The following PRKD3 variants were observed in gnomAD, a reference collection of about 807,000 sequenced individuals.
PRKD3 encodes protein kinase D3.
A neutral mutation model predicts 99.2 loss-of-function variants in PRKD3; 47 were observed. The ratio of observed to expected loss-of-function variants is 0.47; its 90% CI spans 0.38 to 0.60. The LOEUF is 0.60. PRKD3 is among the 20% of genes least tolerant of loss of function. PRKD3 has a pLI of 0.00. For synonymous variants in PRKD3, 392 were observed against 355.4 expected (o/e 1.10, Z -1.16); for missense variants, 1,019 against 1,088.4 (o/e 0.94, Z 0.90).
At chr2:37,259,961 T>C (rs1360946312) in intron 15 of PRKD3, among the ~76,000 whole-genome samples, 1 of 152,104 alleles carries the variant, frequency 6.6e-6, no homozygotes, top group African/African-American at 2.4e-5. Flanking sequence ...GGCAAGGAGT[T>C]CGAGACCAGC....
intron 2 of PRKD3, among the ~76,000 whole-genome samples, chr2:37,299,646 G>C (rs1285778492): frequency 6.6e-6 from 1 of 151,662 alleles, no homozygotes; most frequent in Non-Finnish European, 1.5e-5. Context: ...CTGACAAGGG[G>C]TTAATAACCA....
intron 16 of PRKD3, among the ~76,000 whole-genome samples, chr2:37,257,156 T>C (rs890965409): frequency 5.3e-5 from 8 of 152,184 alleles, no homozygotes; most frequent in Admixed American, 2.0e-4. Context: ...TCCTAGTACA[T>C]ATTTCAAAAG....
intron 11 of PRKD3, 101 bp downstream of exon 11, chr2:37,274,320 G>C (rs1669450462): frequency 3.7e-6 from 5 of 1,357,252 alleles, no homozygotes; most frequent in Non-Finnish European, 5.1e-6. Flanking sequence ...TAAAGACTAA[G>C]CTTAGGATGA....
intron 14 of PRKD3, among the ~76,000 whole-genome samples, chr2:37,265,319 A>C (rs896646578): frequency 6.6e-6 from 1 of 152,230 alleles, no homozygotes; most frequent in African/African-American, 2.4e-5. Context: ...CACATAACTA[A>C]ATCTTATGAA....
At chr2:37,302,932 A>T (rs192943837) in intron 2 of PRKD3, among the ~76,000 whole-genome samples, 1 of 152,214 alleles carries the variant, frequency 6.6e-6, no homozygotes, top group East Asian at 1.9e-4. Flanking sequence ...GAGAACTTCT[A>T]TCTCTGTTTG....
chr2:37,295,776 G>C (rs1196724697), intron 2 of PRKD3, among the ~76,000 whole-genome samples: 1 of 152,112 alleles, frequency 6.6e-6, no homozygotes, highest in Non-Finnish European at 1.5e-5. Flanking sequence ...ATACCTAAAA[G>C]GGAGACGAGA....
chr2:37,267,127 A>C (rs1392057038), intron 14 of PRKD3, among the ~76,000 whole-genome samples: 2 of 152,252 alleles, frequency 1.3e-5, no homozygotes, highest in African/African-American at 4.8e-5. Flanking sequence ...TATGACAAGC[A>C]TGTCACCTGT....
intron 2 of PRKD3, among the ~76,000 whole-genome samples, chr2:37,299,348 C>A (rs552552923): frequency 1.3e-5 from 2 of 151,978 alleles, no homozygotes; most frequent in East Asian, 1.9e-4. Flanking sequence ...CACAGGTAGC[C>A]AAAATAAAAA....
intron 7 of PRKD3, chr2:37,282,303 G>A (rs1183893404): frequency 4.3e-6 from 2 of 469,696 alleles, no homozygotes; most frequent in Non-Finnish European, 7.6e-6. Context: ...AGAGGATATG[G>A]AGTACCACTG....
chr2:37,305,902 G>A (rs959967384), intron 2 of PRKD3, among the ~76,000 whole-genome samples: 2 of 152,146 alleles, frequency 1.3e-5, no homozygotes, highest in Non-Finnish European at 2.9e-5. Context: ...TTCTATGGAG[G>A]TGGACTTTAT....
intron 9 of PRKD3, among the ~76,000 whole-genome samples, chr2:37,276,154 T>G (rs1669560718): frequency 1.3e-5 from 2 of 151,910 alleles, no homozygotes; most frequent in African/African-American, 4.8e-5. Context: ...CACACACACA[T>G]AAAAATATGT....
chr2:37,285,938 G>A (rs1670073173), intron 6 of PRKD3, among the ~76,000 whole-genome samples: 1 of 152,126 alleles, frequency 6.6e-6, no homozygotes, highest in African/African-American at 2.4e-5. Flanking sequence ...TTGCTTTGAA[G>A]ACTGAGCATG....
chr2:37,317,152 A>T lies in PRKD3; in HGVS notation c.-628T>A. On this transcript the variant is annotated 5_prime_UTR_variant, in exon 2 of 19. Coordinates refer to ENST00000234179, the MANE Select transcript of PRKD3 (RefSeq NM_005813.6). ...TTAGATGAATGGGTCCATCGAGAAA[A>T]GCTGATGCTTTCTGACATATAGTTA... 1 of 984,854 alleles carries T rather than the reference A, an allele frequency of 1.0e-6. No homozygotes were observed. Among genetic ancestry groups the T allele is most frequent in the Non-Finnish European group, 1.2e-6 (1 of 829,380 alleles). 61.0% of individuals were successfully genotyped at this position (984,854 alleles called of 1,614,324 possible).
At chr2:37,274,893 G>C (rs947306419) in intron 10 of PRKD3, among the ~76,000 whole-genome samples, 196 bp from the exon 11 acceptor site, 3 of 152,224 alleles carry the variant, frequency 2.0e-5, no homozygotes, top group Admixed American at 6.5e-5. Context: ...GCCAGACGCA[G>C]AGCATGGACT....
At chr2:37,284,026 T>G (rs180693956) in intron 6 of PRKD3, among the ~76,000 whole-genome samples, 6 of 152,158 alleles carry the variant, frequency 3.9e-5, no homozygotes, top group Non-Finnish European at 8.8e-5. Flanking sequence ...AATTTGCTTA[T>G]GCTCTCTTAT....
chr2:37,292,081 T>C (rs997362626), intron 3 of PRKD3, among the ~76,000 whole-genome samples: 5 of 152,110 alleles, frequency 3.3e-5, no homozygotes, highest in Non-Finnish European at 5.9e-5. Context: ...GCATTTTTAA[T>C]TTTAAAGCCA....
intron 15 of PRKD3, among the ~76,000 whole-genome samples, 191 bp downstream of exon 15, chr2:37,260,032 G>A (rs1264957660): frequency 6.6e-6 from 1 of 152,012 alleles, no homozygotes; most frequent in Non-Finnish European, 1.5e-5. Flanking sequence ...AGGCGTGGTG[G>A]CACACATCTG....
At chr2:37,258,526 G>A (rs185533083) in intron 16 of PRKD3, among the ~76,000 whole-genome samples, 98 of 152,274 alleles carry the variant, frequency 6.4e-4, no homozygotes, top group Non-Finnish European at 2.5e-4. Flanking sequence ...TTGGAACACT[G>A]TGGATCACTA....
chr2:37,289,563 A>T, intron 4 of PRKD3, 50 bp from the exon 5 acceptor site: 1 of 1,437,888 alleles, frequency 7.0e-7, no homozygotes, highest in South Asian at 1.3e-5. Flanking sequence ...AAAATTTACT[A>T]TTTAAGTGTG....
Sources: gnomAD v4.1 joint callset for allele counts (sites outside exome capture counted in the v4.1 genomes callset) on GRCh38, gnomAD v4.1.1 for gene constraint, MANE v1.5 for transcripts, NCBI Gene and HGNC (gene_info 2026-07-23, HGNC 2026-07-21) for gene names.